MALRD1: variants seen among roughly 807,000 people sequenced by gnomAD.
MALRD1 encodes the protein MAM and LDL receptor class A domain containing 1, also known as MAM and LDL-receptor class A domain-containing protein 1.
In MALRD1, 247 loss-of-function variants were observed where a neutral mutation model predicts 242.1. The observed-to-expected ratio is 1.02, with a 90% confidence interval of 0.92 to 1.13. The LOEUF (loss-of-function observed/expected upper bound fraction) is 1.13, where lower values mean the gene tolerates loss of function less well. MALRD1 is among the 50% of genes most tolerant of loss of function. MALRD1 has a pLI of 0.00. For missense variants in MALRD1, 2,989 were observed against 2,533.1 expected (o/e 1.18, Z -3.86); for synonymous variants, 995 against 866.6 (o/e 1.15, Z -2.60).
At chr10:19,165,388 C>T (rs1406291070) in intron 12 of MALRD1, among the ~76,000 whole-genome samples, 2 of 151,284 alleles carry the variant, frequency 1.3e-5, no homozygotes, top group African/African-American at 2.4e-5. Flanking sequence ...GCAACCTCCC[C>T]GCCTTCTGGG....
chr10:19,640,490 G>A (rs1180543742), intron 36 of MALRD1, among the ~76,000 whole-genome samples: 1 of 125,830 alleles, frequency 7.9e-6, no homozygotes, highest in East Asian at 2.3e-4. Context: ...AAGAAAGTAT[G>A]TTTTAATTTT....
At chr10:19,622,754 A>G (rs903088015) in intron 36 of MALRD1, among the ~76,000 whole-genome samples, 1 of 151,794 alleles carries the variant, frequency 6.6e-6, no homozygotes, top group African/African-American at 2.4e-5. Flanking sequence ...ACCAATATCA[A>G]TAGAATAAAG....
chr10:19,429,001 T>A (rs1245049046), intron 28 of MALRD1, among the ~76,000 whole-genome samples: 5 of 152,220 alleles, frequency 3.3e-5, no homozygotes, highest in African/African-American at 4.8e-5. Context: ...ACTTTGGAAG[T>A]ATTCCTGTAT....
chr10:19,595,205 G>T lies in MALRD1; in HGVS notation c.5692G>T (p.Val1898Leu). 1 of 1,549,600 alleles carries T rather than the reference G, an allele frequency of 6.5e-7. No homozygotes were observed. Among genetic ancestry groups the T allele is most frequent in the Non-Finnish European group, 8.7e-7 (1 of 1,146,372 alleles). The change falls in exon 34 of 40, where the codon GTG becomes TTG. Residue 1898 changes from valine to leucine, a missense_variant. Coordinates refer to ENST00000454679, the MANE Select transcript of MALRD1 (RefSeq NM_001142308.3). ...GCTCTCTTTTTTAGGTCCTGTCCCA[G>T]TGCAGCCATCACCCTGTGAAGCTGA... is the stretch of plus-strand genomic sequence containing the variant. ...PECVTGGPVPVQPSPCEADQF... is the reference protein window; with the variant it reads ...PECVTGGPVPLQPSPCEADQF...
At chr10:19,074,574 T>C (rs1835259022) in intron 2 of MALRD1, among the ~76,000 whole-genome samples, 1 of 151,762 alleles carries the variant, frequency 6.6e-6, no homozygotes, top group Non-Finnish European at 1.5e-5. Flanking sequence ...ATGTCAGTGA[T>C]GGAATCATAG....
intron 2 of MALRD1, among the ~76,000 whole-genome samples, chr10:19,085,054 T>C (rs989673200): frequency 6.6e-6 from 1 of 151,850 alleles, no homozygotes; most frequent in African/African-American, 2.4e-5. Context: ...TGTGTTTGCA[T>C]GTGGTATGTG....
At chr10:19,261,188 G>A (rs1053922250) in intron 19 of MALRD1, among the ~76,000 whole-genome samples, 1 of 152,104 alleles carries the variant, frequency 6.6e-6, no homozygotes, top group African/African-American at 2.4e-5. Flanking sequence ...CCAAGGGGAG[G>A]TAAAACAGCT....
At chr10:19,571,879 T>G (rs1350134016) in intron 33 of MALRD1, among the ~76,000 whole-genome samples, 5 of 152,190 alleles carry the variant, frequency 3.3e-5, no homozygotes, top group Non-Finnish European at 7.3e-5. Context: ...CATCCAGATT[T>G]GTATGTTGAA....
At chr10:19,163,137 T>TGA (rs1491309752) in intron 12 of MALRD1, among the ~76,000 whole-genome samples, 6,175 of 43,816 alleles carry the variant, frequency 0.14, 969 homozygotes, top group Non-Finnish European at 0.2. Flanking sequence ...AAACCCTGTC[T>TGA]AAAAAAAAAA....
intron 29 of MALRD1, among the ~76,000 whole-genome samples, chr10:19,470,113 C>A (rs1229004876): frequency 6.6e-6 from 1 of 151,996 alleles, no homozygotes; most frequent in South Asian, 2.1e-4. Context: ...CACATTTCCC[C>A]CTTCCACCAG....
chr10:19,684,902 A>G (rs1158358026), intron 36 of MALRD1, among the ~76,000 whole-genome samples: 1 of 152,228 alleles, frequency 6.6e-6, no homozygotes, highest in East Asian at 1.9e-4. Flanking sequence ...CTACAAAATT[A>G]GAGACTGAGC....
At chr10:19,335,130 A>G (rs1160623801) in intron 24 of MALRD1, among the ~76,000 whole-genome samples, 1 of 151,674 alleles carries the variant, frequency 6.6e-6, no homozygotes, top group Non-Finnish European at 1.5e-5. Context: ...TTTGGAGGAT[A>G]AGTTGTATCA....
intron 31 of MALRD1, among the ~76,000 whole-genome samples, chr10:19,509,774 C>A (rs535311307): frequency 4.7e-4 from 71 of 152,254 alleles, no homozygotes; most frequent in African/African-American, 1.7e-3. Context: ...ACTATGATGA[C>A]TATCAGAAGG....
intron 28 of MALRD1, among the ~76,000 whole-genome samples, chr10:19,394,951 A>G (rs1314702283): frequency 6.6e-6 from 1 of 152,190 alleles, no homozygotes; most frequent in Non-Finnish European, 1.5e-5. Context: ...ATTATTTCAG[A>G]AAAAGAGTAT....
intron 28 of MALRD1, among the ~76,000 whole-genome samples, chr10:19,436,689 T>C (rs375987645): frequency 3.2e-4 from 48 of 152,234 alleles, no homozygotes; most frequent in African/African-American, 1.1e-3. Context: ...GTCTATGAGG[T>C]TTTTTCATAC....
chr10:19,659,756 TACTCATGCC>T (rs1841333978), intron 36 of MALRD1, among the ~76,000 whole-genome samples: 1 of 152,174 alleles, frequency 6.6e-6, no homozygotes, highest in Non-Finnish European at 1.5e-5. Context: ...ATATATAAGG[TACTCATGCC>T]CCTGTTGCAT....
At chr10:19,516,253 T>TA (rs1383141009) in intron 31 of MALRD1, among the ~76,000 whole-genome samples, 3 of 152,198 alleles carry the variant, frequency 2.0e-5, no homozygotes, top group Non-Finnish European at 4.4e-5. Context: ...GTTTCTATCT[T>TA]AGAGTTTAAG....
At chr10:19,298,040 A>G (rs1841786884) in intron 21 of MALRD1, among the ~76,000 whole-genome samples, 2 of 152,018 alleles carry the variant, frequency 1.3e-5, no homozygotes, top group Non-Finnish European at 2.9e-5. Context: ...GAGACTGAAT[A>G]ATATATAAAT....
chr10:19,547,818 A>ATATATATATATAT (rs1564431908), intron 32 of MALRD1, among the ~76,000 whole-genome samples: 1 of 16,916 alleles, frequency 5.9e-5, no homozygotes, highest in Non-Finnish European at 1.0e-4. Context: ...ATATATATAT[A>ATATATATATATAT]TTTTTTTTTT....
Sources: gnomAD v4.1 joint callset for allele counts (sites outside exome capture counted in the v4.1 genomes callset) on GRCh38, gnomAD v4.1.1 for gene constraint, MANE v1.5 for transcripts, NCBI Gene and HGNC (gene_info 2026-07-23, HGNC 2026-07-21) for gene names.